ATRNL1: variants seen among roughly 807,000 people sequenced by gnomAD.
ATRNL1 encodes attractin like 1.
In ATRNL1, 95 loss-of-function variants were observed where a neutral mutation model predicts 182.7. That is an observed-to-expected ratio of 0.52 (90% CI 0.44 to 0.62). ATRNL1 has a LOEUF of 0.62. Among genes scored for constraint, ATRNL1 ranks in the 20% least tolerant of loss-of-function variants. The pLI, the probability that ATRNL1 is intolerant of heterozygous loss-of-function variation, is 0.00. For synonymous variants in ATRNL1, 576 were observed against 568.3 expected (o/e 1.01, Z -0.19); for missense variants, 1,471 against 1,679.5 (o/e 0.88, Z 2.17).
At position 115,227,830 on chromosome 10, in the gene ATRNL1, T is replaced by G. The variant is rs373653784; in HGVS notation, c.1532+11950T>G. Among the ~76,000 whole-genome samples the G allele has an allele frequency of 8.0e-4, 122 of 152,150 alleles. 2 individuals are homozygous for G. The South Asian group carries it at 0.025, about 31-fold the overall frequency. Reference sequence around the variant, plus strand: ...ATTAATGCAGGAACAGAAAATAAAATAAATCAGACATAAAAGAAAACAGTA... The same window carrying G: ...ATTAATGCAGGAACAGAAAATAAAAGAAATCAGACATAAAAGAAAACAGTA... On this transcript the variant is annotated intron_variant, in intron 9 of 28. Coordinates refer to ENST00000355044, the MANE Select transcript of ATRNL1 (RefSeq NM_207303.4).
intron 8 of ATRNL1, among the ~76,000 whole-genome samples, chr10:115,209,824 A>G (rs1292924959): frequency 6.6e-6 from 1 of 152,012 alleles, no homozygotes; most frequent in East Asian, 1.9e-4. Flanking sequence ...CATAAGAAGA[A>G]TATAATGAGA....
intron 8 of ATRNL1, among the ~76,000 whole-genome samples, chr10:115,202,057 C>T (rs1468584772): frequency 6.6e-6 from 1 of 151,820 alleles, no homozygotes; most frequent in Non-Finnish European, 1.5e-5. Flanking sequence ...TATAAGAATG[C>T]TTGTGATTTT....
Position 115,864,854 on chromosome 10 carries a change from T to C in ATRNL1, c.4018+16863T>C, listed in dbSNP as rs1443017476. ...AAAATTAGCCAGGCGTGGTGGCAGGTGCCTGTAGTCCCAGCTACTTGGGAG... is the reference window on the plus strand; with the variant it reads ...AAAATTAGCCAGGCGTGGTGGCAGGCGCCTGTAGTCCCAGCTACTTGGGAG... On this transcript the variant is annotated intron_variant, in intron 28 of 28. Transcript: ENST00000355044. Among the ~76,000 whole-genome samples the C allele has an allele frequency of 1.9e-3, 288 of 151,858 alleles. 2 individuals carry two copies. The highest frequency in any genetic ancestry group is 6.4e-3 in the African/African-American group (267 of 41,434).
At chr10:115,937,342 T>C (rs782559126) in intron 28 of ATRNL1, among the ~76,000 whole-genome samples, 4 of 152,188 alleles carry the variant, frequency 2.6e-5, no homozygotes, top group African/African-American at 4.8e-5. Flanking sequence ...GTCACTGGTT[T>C]TTAGTAGGTG....
chr10:115,380,876 A>G (rs546359585), intron 19 of ATRNL1, among the ~76,000 whole-genome samples: 1 of 152,290 alleles, frequency 6.6e-6, no homozygotes, highest in African/African-American at 2.4e-5. Context: ...GTGGACATTT[A>G]AAAAAATCCT....
intron 19 of ATRNL1, among the ~76,000 whole-genome samples, chr10:115,348,370 T>C (rs1856072643): frequency 6.6e-6 from 1 of 152,186 alleles, no homozygotes. Flanking sequence ...CTTTATATGT[T>C]GTATAATATA....
At chr10:115,850,965 T>C (rs928118202) in intron 28 of ATRNL1, among the ~76,000 whole-genome samples, 4 of 152,186 alleles carry the variant, frequency 2.6e-5, no homozygotes, top group Admixed American at 6.5e-5. Flanking sequence ...CTCTTGGCTA[T>C]TGGGCTATTT....
At chr10:115,333,698 G>T (rs530067475) in intron 18 of ATRNL1, among the ~76,000 whole-genome samples, 2 of 152,062 alleles carry the variant, frequency 1.3e-5, no homozygotes, top group African/African-American at 4.8e-5. Flanking sequence ...AGTTGGCCAG[G>T]CTGGTCTCAA....
At chr10:115,588,592 A>T (rs920264350) in intron 26 of ATRNL1, among the ~76,000 whole-genome samples, 2 of 152,240 alleles carry the variant, frequency 1.3e-5, no homozygotes, top group East Asian at 3.8e-4. Flanking sequence ...TGTGTGGTCT[A>T]AGCCCTTTGC....
intron 19 of ATRNL1, among the ~76,000 whole-genome samples, chr10:115,353,259 CA>C (rs1856349846): frequency 6.6e-6 from 1 of 152,130 alleles, no homozygotes; most frequent in South Asian, 2.1e-4. Context: ...GTGTTTTGTG[CA>C]AGAAATATTT....
intron 5 of ATRNL1, among the ~76,000 whole-genome samples, chr10:115,148,939 G>A (rs998996895): frequency 2.0e-5 from 3 of 151,902 alleles, no homozygotes; most frequent in Non-Finnish European, 4.4e-5. Flanking sequence ...TAGTAGAGAT[G>A]AGGTTTCGCC....
intron 19 of ATRNL1, among the ~76,000 whole-genome samples, chr10:115,362,928 C>T (rs1343694655): frequency 6.6e-6 from 1 of 151,916 alleles, no homozygotes; most frequent in East Asian, 1.9e-4. Context: ...CATTGATGGA[C>T]ATTTGGGTTG....
At chr10:115,598,227 G>A (rs1326996117) in intron 26 of ATRNL1, among the ~76,000 whole-genome samples, 14 of 150,528 alleles carry the variant, frequency 9.3e-5, no homozygotes, top group Non-Finnish European at 1.8e-4. Flanking sequence ...AGACTGTTTG[G>A]TGTGAGCATA....
chr10:115,108,296 G>T (rs1386054549), intron 1 of ATRNL1, among the ~76,000 whole-genome samples: 1 of 152,160 alleles, frequency 6.6e-6, no homozygotes, highest in Non-Finnish European at 1.5e-5. Context: ...ATTGTCTGGG[G>T]TATATACCCT....
chr10:115,166,217 T>A (rs956930274), intron 7 of ATRNL1, among the ~76,000 whole-genome samples: 1 of 152,110 alleles, frequency 6.6e-6, no homozygotes, highest in Non-Finnish European at 1.5e-5. Flanking sequence ...TCATCCATGT[T>A]GTATCATGTG....
At chr10:115,271,510 G>A (rs141570116) in intron 13 of ATRNL1, among the ~76,000 whole-genome samples, 1,888 of 151,522 alleles carry the variant, frequency 0.012, 40 homozygotes, top group African/African-American at 0.042. Context: ...CAGCCATCCC[G>A]TTACTGGATA....
chr10:115,190,390 G>A (rs1848122957), intron 8 of ATRNL1, among the ~76,000 whole-genome samples: 1 of 152,004 alleles, frequency 6.6e-6, no homozygotes, highest in Non-Finnish European at 1.5e-5. Context: ...AAAAGTTTTA[G>A]TAGATGTGCA....
At chr10:115,815,404 G>GGTGTGTGT (rs1213640346) in intron 27 of ATRNL1, among the ~76,000 whole-genome samples, 185 of 98,046 alleles carry the variant, frequency 1.9e-3, no homozygotes, top group Middle Eastern at 0.011. Context: ...ACTGGTATGT[G>GGTGTGTGT]GTGTGTGTGT....
intron 26 of ATRNL1, among the ~76,000 whole-genome samples, chr10:115,652,473 A>G (rs926330711): frequency 4.6e-5 from 7 of 152,072 alleles, no homozygotes; most frequent in East Asian, 1.9e-4. Context: ...CCTATTTTCT[A>G]TTGAATTATT....
Sources: gnomAD v4.1 joint callset for allele counts (sites outside exome capture counted in the v4.1 genomes callset) on GRCh38, gnomAD v4.1.1 for gene constraint, MANE v1.5 for transcripts, NCBI Gene and HGNC (gene_info 2026-07-23, HGNC 2026-07-21) for gene names.